The following ADAMTS9 variants were observed in gnomAD, a reference collection of about 807,000 sequenced individuals.
ADAMTS9 encodes the protein A disintegrin and metalloproteinase with thrombospondin motifs 9.
In ADAMTS9, 107 loss-of-function variants were observed where a neutral mutation model predicts 257.1. That is an observed-to-expected ratio of 0.42 (90% CI 0.36 to 0.49). The LOEUF (loss-of-function observed/expected upper bound fraction) is 0.49. ADAMTS9 is among the 20% of genes least tolerant of loss of function. The pLI is 0.03. For missense variants in ADAMTS9, 2,353 were observed against 2,469.1 expected, an observed-to-expected ratio of 0.95 and a Z score of 1.00; for synonymous variants, 982 against 880.9, an observed-to-expected ratio of 1.11 and a Z score of -2.03.
intron 28 of ADAMTS9, among the ~76,000 whole-genome samples, chr3:64,570,212 G>A (rs558823154): frequency 7.9e-5 from 12 of 152,292 alleles, no homozygotes; most frequent in East Asian, 3.9e-4. Flanking sequence ...GAAATGTAGC[G>A]ATAAACAAAA....
At chr3:64,599,802 T>C (rs2084426027) in intron 26 of ADAMTS9, among the ~76,000 whole-genome samples, 1 of 152,210 alleles carries the variant, frequency 6.6e-6, no homozygotes, top group African/African-American at 2.4e-5. Flanking sequence ...AATAAGGTTT[T>C]ATTGGAACAG....
At chr3:64,626,451 G>T (rs1700223257) in intron 16 of ADAMTS9, among the ~76,000 whole-genome samples, 1 of 152,116 alleles carries the variant, frequency 6.6e-6, no homozygotes, top group African/African-American at 2.4e-5. Flanking sequence ...AATGTAAATT[G>T]CTCATTTTGT....
rs761774399 is a variant in ADAMTS9 at position 64,616,199 on chromosome 3, C to G, written c.2814-29G>C. 1.9e-6 allele frequency: 3 copies of G among 1,609,368 alleles called. No individual in the cohort carries two copies. In the East Asian group the frequency reaches 6.7e-5, roughly 36 times the overall value. On this transcript the variant is annotated intron_variant, in intron 19 of 39. Coordinates refer to ENST00000498707, the MANE Select transcript of ADAMTS9 (RefSeq NM_182920.2). ...TGCAAAAATAATGGGGCAAAACCAA[C>G]ATTTCTGTTAAAAATATATGCCTTA...
rs567343908 is a variant in ADAMTS9 at position 64,658,976 on chromosome 3, A to G, written c.680-185T>C. Among the ~76,000 whole-genome samples the G allele has an allele frequency of 3.3e-5, 5 of 152,358 alleles. No homozygotes were observed. In the South Asian group the frequency reaches 1.0e-3, roughly 32 times the overall value. ...CCTAAGTGACTAAGGATTTGAGATT[A>G]GCTTCCCTGGGAAGCTTTCATACTT... On this transcript the variant is annotated intron_variant, in intron 3 of 39. Coordinates refer to ENST00000498707, the MANE Select transcript of ADAMTS9 (RefSeq NM_182920.2).
At position 64,631,933 on chromosome 3, in the gene ADAMTS9, A is replaced by G. The variant is rs1485823444; in HGVS notation, c.2176-8T>C. On this transcript the variant is annotated splice_region_variant and splice_polypyrimidine_tract_variant and intron_variant, in intron 14 of 39. Coordinates refer to ENST00000498707, the MANE Select transcript of ADAMTS9 (RefSeq NM_182920.2). ...ATGATCGCATCCAGCTTGCTTTTAA[A>G]AAGAAAAGATTTGAAATAAATGTAA... 1 of 1,594,036 alleles carries G rather than the reference A, an allele frequency of 6.3e-7. No individual in the cohort carries two copies. The highest frequency in any genetic ancestry group is 1.3e-5 in the African/African-American group (1 of 74,380).
At chr3:64,594,510 T>A in intron 27 of ADAMTS9, 76 bp from the exon 28 acceptor site, 1 of 1,552,182 alleles carries the variant, frequency 6.4e-7, no homozygotes, top group East Asian at 2.3e-5. Context: ...CCCTAATTTC[T>A]TAGCCAAACT....
Position 64,537,923 on chromosome 3 carries a change from G to A in ADAMTS9, c.5613+1280C>T, listed in dbSNP as rs143478527. Among the ~76,000 whole-genome samples the A allele has an allele frequency of 9.2e-5, 14 of 152,296 alleles. No homozygotes were observed. The East Asian group carries it at 2.5e-3, about 27-fold the overall frequency. ...TAGCCCGAGCTGATTATGACAAAATGTTTCAAAAGACAAGCTAAAACTTGC... is the reference window on the plus strand; with the variant it reads ...TAGCCCGAGCTGATTATGACAAAATATTTCAAAAGACAAGCTAAAACTTGC... On this transcript the variant is annotated intron_variant, in intron 37 of 39. Transcript: ENST00000498707.
chr3:64,594,202 A>G (rs2084316757), intron 28 of ADAMTS9, 56 bp downstream of exon 28: 4 of 1,551,820 alleles, frequency 2.6e-6, no homozygotes, highest in Non-Finnish European at 3.5e-6. Context: ...GGAGTGCCCC[A>G]GAATACCTTG....
chr3:64,541,005 A>G, intron 36 of ADAMTS9, 90 bp downstream of exon 36: 1 of 1,537,850 alleles, frequency 6.5e-7, no homozygotes, highest in Non-Finnish European at 8.9e-7. Context: ...TGCAATACGC[A>G]CCTCCCTGCT....
In ADAMTS9 at chr3:64,687,640, C is replaced by G; in HGVS notation, c.18G>C (p.Trp6Cys). The stretch of plus-strand genomic sequence containing the variant: ...GCACCAGGAGCGTTAGCAGTGTGGC[C>G]CAGGATACAAACTGCATGGTGCTTC... MQFVS[W>C]ATLLTLLVRD... Residue 6 changes from tryptophan to cysteine, a missense_variant, in exon 1 of 40, where the codon TGG becomes TGC. Physicochemically the swap from Trp to Cys is radical, Grantham distance 215. Transcript: ENST00000498707. The surrounding 1 kb of genome is among the most constrained non-coding windows in gnomAD (Gnocchi z 4.4). 2 of 1,573,494 alleles carry G rather than the reference C, an allele frequency of 1.3e-6. No homozygotes were observed. The highest frequency in any genetic ancestry group is 1.2e-5 in the South Asian group (1 of 85,388).
intron 19 of ADAMTS9, among the ~76,000 whole-genome samples, 162 bp from the exon 20 acceptor site, chr3:64,616,332 C>T (rs897064674): frequency 2.6e-5 from 4 of 152,102 alleles, no homozygotes; most frequent in African/African-American, 9.7e-5. Context: ...AATTTTAAAC[C>T]AACATATCCA....
chr3:64,603,668 G>A (rs2084505308), intron 25 of ADAMTS9, among the ~76,000 whole-genome samples: 1 of 152,124 alleles, frequency 6.6e-6, no homozygotes, highest in Admixed American at 6.6e-5. Context: ...CAGCCCAACA[G>A]GACAGACACT....
chr3:64,643,996 G>A (rs566589150), intron 11 of ADAMTS9, among the ~76,000 whole-genome samples: 1 of 152,266 alleles, frequency 6.6e-6, no homozygotes, highest in African/African-American at 2.4e-5. Flanking sequence ...GGCCTTGGGT[G>A]AGTCCTTAAA....
chr3:64,607,162 G>A, intron 22 of ADAMTS9, 83 bp from the exon 23 acceptor site: 1 of 1,561,968 alleles, frequency 6.4e-7, no homozygotes, highest in Non-Finnish European at 8.7e-7. Flanking sequence ...CTGCAAGAGA[G>A]AAATACTTCC....
chr3:64,644,207 C>T (rs919736661), intron 11 of ADAMTS9, among the ~76,000 whole-genome samples: 25 of 152,204 alleles, frequency 1.6e-4, no homozygotes, highest in Admixed American at 6.5e-4. Context: ...TATATACAAA[C>T]TTAGTCCTCA....
rs751978590 is a variant in ADAMTS9 at position 64,551,102 on chromosome 3, C to T, written c.4699-40G>A. ...CAAAAGAGAAGAATAAACCGTAGTT[C>T]CTTATATCCTATGACTGTAATTATG... On this transcript the variant is annotated intron_variant, in intron 30 of 39. Transcript: ENST00000498707. 6 of 1,597,532 alleles carry T rather than the reference C, an allele frequency of 3.8e-6. No homozygotes were observed. In the South Asian group the frequency reaches 5.6e-5, roughly 15 times the overall value.
chr3:64,639,430 C>T (rs1200299506), intron 12 of ADAMTS9, among the ~76,000 whole-genome samples: 1 of 150,278 alleles, frequency 6.7e-6, no homozygotes, highest in Non-Finnish European at 1.5e-5. Context: ...CACTTTGAAG[C>T]TCAAGATCCT....
intron 12 of ADAMTS9, among the ~76,000 whole-genome samples, chr3:64,638,240 A>G (rs986652494): frequency 2.0e-5 from 3 of 152,258 alleles, no homozygotes; most frequent in Middle Eastern, 6.8e-3. Flanking sequence ...TTTGTTTTTG[A>G]TGGACTGTAA....
intron 16 of ADAMTS9, among the ~76,000 whole-genome samples, chr3:64,625,397 G>C (rs1700201612): frequency 6.6e-6 from 1 of 152,130 alleles, no homozygotes; most frequent in African/African-American, 2.4e-5. Context: ...ACACAGAAGA[G>C]GTTCCAAGGA....
Sources: allele counts gnomAD v4.1 joint callset (sites outside exome capture counted in the v4.1 genomes callset), GRCh38; gene constraint gnomAD v4.1.1; non-coding constraint Gnocchi (gnomAD v3.1); transcripts MANE v1.5; gene names NCBI Gene and HGNC (gene_info 2026-07-23, HGNC 2026-07-21).